SEMA6D: variants seen among roughly 807,000 people sequenced by gnomAD.
The protein encoded by SEMA6D is semaphorin 6D.
SEMA6D carries 35 observed loss-of-function variants against 106.6 expected under a neutral mutation model. That is an observed-to-expected ratio of 0.33 (90% CI 0.25 to 0.44). SEMA6D has a LOEUF of 0.44. SEMA6D is among the 20% of genes least tolerant of loss of function. The pLI is 1.00. For synonymous variants in SEMA6D, 499 were observed against 487.7 expected, an observed-to-expected ratio of 1.02 and a Z score of -0.31; for missense variants, 1,185 against 1,345.9, an observed-to-expected ratio of 0.88 and a Z score of 1.87.
intron 1 of SEMA6D, among the ~76,000 whole-genome samples, chr15:47,345,626 C>T (rs952467524): frequency 3.3e-5 from 5 of 151,994 alleles, no homozygotes; most frequent in African/African-American, 9.7e-5. Context: ...TAAGAGAAAA[C>T]GTTTGTCTCC....
chr15:47,551,707 A>G (rs1414519234), intron 3 of SEMA6D, among the ~76,000 whole-genome samples: 3 of 7,562 alleles, frequency 4.0e-4, no homozygotes, highest in African/African-American at 1.0e-3. Context: ...GTGTCCCCTT[A>G]TGCACCTGCA....
intron 4 of SEMA6D, among the ~76,000 whole-genome samples, chr15:47,690,320 A>C (rs1716426293): frequency 6.6e-6 from 1 of 152,202 alleles, no homozygotes; most frequent in Non-Finnish European, 1.5e-5. Context: ...ATGGGAAAGG[A>C]ATAGCATTTG....
At chr15:47,258,738 C>A (rs753506415) in intron 1 of SEMA6D, among the ~76,000 whole-genome samples, 1 of 152,052 alleles carries the variant, frequency 6.6e-6, no homozygotes, top group Non-Finnish European at 1.5e-5. Context: ...TTCTCTGCTC[C>A]GTAATTGTGT....
At chr15:47,467,027 C>G (rs1427148868) in intron 2 of SEMA6D, among the ~76,000 whole-genome samples, 3 of 151,838 alleles carry the variant, frequency 2.0e-5, no homozygotes, top group African/African-American at 7.3e-5. Flanking sequence ...CTGCACCCAG[C>G]CTATTTTTAG....
chr15:47,570,833 A>G (rs188014418), intron 3 of SEMA6D, among the ~76,000 whole-genome samples: 1 of 152,334 alleles, frequency 6.6e-6, no homozygotes, highest in Admixed American at 6.5e-5. Flanking sequence ...GTCCAACCTA[A>G]TGCATTAGTG....
At chr15:47,702,829 G>C (rs1452465622) in intron 4 of SEMA6D, among the ~76,000 whole-genome samples, 2 of 152,130 alleles carry the variant, frequency 1.3e-5, no homozygotes, top group African/African-American at 4.8e-5. Flanking sequence ...GGGACACAGT[G>C]AAAAGATCAG....
intron 1 of SEMA6D, among the ~76,000 whole-genome samples, chr15:47,207,827 A>G (rs1381895364): frequency 1.3e-5 from 2 of 152,110 alleles, no homozygotes; most frequent in Non-Finnish European, 2.9e-5. Flanking sequence ...TACTTCATCT[A>G]GTACGAGATC....
intron 1 of SEMA6D, among the ~76,000 whole-genome samples, chr15:47,225,692 C>G (rs1220783670): frequency 6.6e-6 from 1 of 151,724 alleles, no homozygotes; most frequent in African/African-American, 2.4e-5. Flanking sequence ...CCAAGCCCGG[C>G]TAATTTTGTA....
chr15:47,329,300 C>T (rs1199868868), intron 1 of SEMA6D, among the ~76,000 whole-genome samples: 2 of 152,130 alleles, frequency 1.3e-5, no homozygotes, highest in Non-Finnish European at 2.9e-5. Context: ...AATGGAGAAA[C>T]CACCTTCTTC....
intron 2 of SEMA6D, among the ~76,000 whole-genome samples, chr15:47,414,832 C>A (rs1412637062): frequency 6.6e-6 from 1 of 152,060 alleles, no homozygotes; most frequent in African/African-American, 2.4e-5. Flanking sequence ...AATGTAGACA[C>A]CAATGTACCT....
intron 4 of SEMA6D, among the ~76,000 whole-genome samples, chr15:47,698,675 A>G (rs1049794099): frequency 2.0e-5 from 3 of 152,242 alleles, no homozygotes; most frequent in African/African-American, 4.8e-5. Flanking sequence ...GTAGAAATAC[A>G]TGGCACACAG....
chr15:47,536,904 C>T (rs1249563113), intron 3 of SEMA6D, among the ~76,000 whole-genome samples: 3 of 152,212 alleles, frequency 2.0e-5, no homozygotes, highest in Non-Finnish European at 2.9e-5. Context: ...TGTAAAAATA[C>T]TTCATGCTCT....
intron 1 of SEMA6D, among the ~76,000 whole-genome samples, chr15:47,292,926 C>G (rs111454180): frequency 6.6e-5 from 10 of 152,276 alleles, no homozygotes; most frequent in African/African-American, 2.4e-4. Context: ...ATCCTTTGCT[C>G]TCTGACTTGT....
At chr15:47,630,913 A>G (rs933518545) in intron 4 of SEMA6D, among the ~76,000 whole-genome samples, 6 of 151,868 alleles carry the variant, frequency 4.0e-5, no homozygotes, top group Non-Finnish European at 8.8e-5. Context: ...TTATTTCTGA[A>G]TGTTTAACCA....
intron 1 of SEMA6D, among the ~76,000 whole-genome samples, chr15:47,394,060 T>A (rs968206120): frequency 2.6e-5 from 4 of 152,264 alleles, no homozygotes; most frequent in African/African-American, 7.2e-5. Context: ...TCTTAATCAG[T>A]TTGCTGTCTT....
chr15:47,397,208 C>A (rs762894884), intron 1 of SEMA6D, among the ~76,000 whole-genome samples: 1 of 152,134 alleles, frequency 6.6e-6, no homozygotes, highest in Non-Finnish European at 1.5e-5. Context: ...TGTAGACAAC[C>A]TGTGGACCTT....
chr15:47,457,202 A>G (rs1567092920), intron 2 of SEMA6D, among the ~76,000 whole-genome samples: 1 of 152,006 alleles, frequency 6.6e-6, no homozygotes, highest in Non-Finnish European at 1.5e-5. Context: ...AAGCTTACCA[A>G]ATAATTTATT....
At chr15:47,522,469 T>C (rs973022940) in intron 3 of SEMA6D, among the ~76,000 whole-genome samples, 2 of 152,152 alleles carry the variant, frequency 1.3e-5, no homozygotes, top group African/African-American at 4.8e-5. Flanking sequence ...TCATTTACAC[T>C]CTATCTGGAA....
At chr15:47,565,030 C>G (rs1017051701) in intron 3 of SEMA6D, among the ~76,000 whole-genome samples, 9 of 152,158 alleles carry the variant, frequency 5.9e-5, no homozygotes, top group African/African-American at 2.2e-4. Flanking sequence ...CAATAAAATT[C>G]CCCACATTTA....
Sources: gnomAD v4.1 joint callset for allele counts (sites outside exome capture counted in the v4.1 genomes callset) on GRCh38, gnomAD v4.1.1 for gene constraint, MANE v1.5 for transcripts, NCBI Gene and HGNC (gene_info 2026-07-23, HGNC 2026-07-21) for gene names.